The following DNAH1 variants were observed in gnomAD, a reference collection of about 807,000 sequenced individuals.
DNAH1 encodes axonemal beta dynein heavy chain 1.
DNAH1 carries 327 observed loss-of-function variants against 484.3 expected under a neutral mutation model. The observed-to-expected ratio is 0.68, with a 90% confidence interval of 0.62 to 0.74. The LOEUF (loss-of-function observed/expected upper bound fraction) is 0.74. DNAH1 is among the 30% of genes least tolerant of loss of function. The pLI is 0.00. For missense variants in DNAH1, 5,052 were observed against 5,546.8 expected, an observed-to-expected ratio of 0.91 and a Z score of 2.83; for synonymous variants, 2,192 against 2,191.9, an observed-to-expected ratio of 1.00 and a Z score of 0.00.
chr3:52,356,660 T>A lies in DNAH1; in HGVS notation c.3740T>A (p.Leu1247Gln), dbSNP rs773524962. ...WLNCQRSWLY[L>Q]EPIFSSEDIN... ...AACTGTCAGCGGTCCTGGCTCTACCTGGAGCCCATCTTTAGCTCTGAGGAC... is the reference window on the plus strand; with the variant it reads ...AACTGTCAGCGGTCCTGGCTCTACCAGGAGCCCATCTTTAGCTCTGAGGAC... Residue 1247 changes from leucine to glutamine, a missense_variant, in exon 22 of 78, where the codon CTG (leucine) becomes CAG (glutamine). Physicochemically the swap from Leu to Gln is moderately radical, Grantham distance 113. Transcript: ENST00000420323. 9.3e-6 allele frequency: 15 copies of A among 1,613,744 alleles called. No homozygotes were observed. Among genetic ancestry groups the A allele is most frequent in the Non-Finnish European group, 1.2e-5 (14 of 1,179,888 alleles).
chr3:52,352,741 C>G, intron 18 of DNAH1, 34 bp downstream of exon 18: 5 of 1,593,578 alleles, frequency 3.1e-6, no homozygotes, highest in Non-Finnish European at 4.3e-6. Context: ...CCCCCATGCC[C>G]CCAGGCTTGA....
chr3:52,344,377 G>A lies in DNAH1; in HGVS notation c.1287-113G>A, dbSNP rs371986609. The A allele has an allele frequency of 1.5e-5, 20 of 1,333,156 alleles. No individual in the cohort carries two copies. In the South Asian group the frequency reaches 2.8e-4, roughly 18 times the overall value. 82.6% of individuals were successfully genotyped at this position (1,333,156 alleles called of 1,614,324 possible). On this transcript the variant is annotated intron_variant, in intron 8 of 77. Coordinates refer to ENST00000420323, the MANE Select transcript of DNAH1 (RefSeq NM_015512.5). ...TGGGGGTGTGCCCATGAATCCAGAA[G>A]GGAAGCCCTAAATGCGTGTCCCCAG... is the stretch of plus-strand genomic sequence containing the variant.
In DNAH1 at chr3:52,341,700, C is replaced by T. The variant is rs569190930; in HGVS notation, c.1287-2790C>T. Among the ~76,000 whole-genome samples, 16 of 152,228 alleles carry T rather than the reference C, an allele frequency of 1.1e-4. No individual in the cohort carries two copies. The South Asian group carries it at 3.1e-3, about 30-fold the overall frequency. On this transcript the variant is annotated intron_variant, in intron 8 of 77. Coordinates refer to ENST00000420323, the MANE Select transcript of DNAH1 (RefSeq NM_015512.5). ...ACACCTAAACCAACTGCAGTTGGGG[C>T]AAGCTCCACCACGACTGGCTTGGAC... is the stretch of plus-strand genomic sequence containing the variant.
In DNAH1 at chr3:52,326,217, G is replaced by C; in HGVS notation, c.484G>C (p.Ala162Pro). The change falls in exon 4 of 78, where the codon GCC becomes CCC. Residue 162 changes from alanine (A) to proline (P), a missense_variant. By Grantham distance (27) the Ala-to-Pro change is conservative. Coordinates refer to ENST00000420323, the MANE Select transcript of DNAH1 (RefSeq NM_015512.5). ...CATCGGGTCCACCACCCGGCTGCTC[G>C]CCCAGACTGACTTCCCACTGCAGGC... The part of the protein sequence containing the change: ...QCIGSTTRLL[A>P]QTDFPLQAYE... 6.2e-7 allele frequency: 1 copy of C among 1,612,976 alleles called. No individual in the cohort carries two copies. Among genetic ancestry groups the C allele is most frequent in the Non-Finnish European group, 8.5e-7 (1 of 1,179,606 alleles).
chr3:52,312,540 G>A (rs142202529), upstream of DNAH1, among the ~76,000 whole-genome samples: 8 of 149,720 alleles, frequency 5.3e-5, no homozygotes, highest in African/African-American at 1.7e-4. Flanking sequence ...CCACGATCTC[G>A]GCTCACTGGA....
rs1341066994 is a variant in DNAH1, at chr3:52,399,216, A to AGGGCCAGGTCAGGTGAC, written c.12441+16_12441+32dup. On this transcript the variant is annotated intron_variant, in intron 76 of 77. Transcript: ENST00000420323. ...TTGATTTCAAGGTCTGGGCACAGCCAGGGCCAGGTCAGGTGACAGGCTAGG... is the reference window on the plus strand; with the variant it reads ...TTGATTTCAAGGTCTGGGCACAGCCAGGGCCAGGTCAGGTGACGGGCCAGGTCAGGTGACAGGCTAGG... 4 of 1,590,204 alleles carry AGGGCCAGGTCAGGTGAC rather than the reference A, an allele frequency of 2.5e-6. No homozygotes were observed. In the Admixed American group the frequency reaches 5.1e-5, roughly 20 times the overall value.
intron 34 of DNAH1, among the ~76,000 whole-genome samples, chr3:52,365,553 A>G (rs916223799): frequency 1.3e-5 from 2 of 152,136 alleles, no homozygotes; most frequent in African/African-American, 4.8e-5. Context: ...CTGGGGGGAC[A>G]CTGCCCTCAA....
intron 50 of DNAH1, among the ~76,000 whole-genome samples, chr3:52,382,989 G>A (rs980321478): frequency 1.3e-5 from 2 of 152,224 alleles, no homozygotes; most frequent in Non-Finnish European, 2.9e-5. Flanking sequence ...CTCCCTTCAA[G>A]GCAGCCACTG....
intron 63 of DNAH1, 88 bp downstream of exon 63, chr3:52,391,691 G>A (rs1704395209): frequency 6.6e-7 from 1 of 1,505,872 alleles, no homozygotes; most frequent in Non-Finnish European, 9.1e-7. Context: ...CCGGGAGTCA[G>A]TGGGACTTTC....
intron 20 of DNAH1, 46 bp from the exon 21 acceptor site, chr3:52,354,797 G>A: frequency 6.9e-6 from 11 of 1,590,530 alleles, no homozygotes; most frequent in Non-Finnish European, 9.4e-6. Context: ...GACAGCATCA[G>A]GACCAGCCCC....
chr3:52,347,670 T>C (rs1273401724), intron 11 of DNAH1, among the ~76,000 whole-genome samples, 154 bp from the exon 12 acceptor site: 1 of 152,132 alleles, frequency 6.6e-6, no homozygotes, highest in African/African-American at 2.4e-5. Context: ...GGTCTTCCTC[T>C]CTGGTAACTT....
chr3:52,350,633 A>G (rs1057337420), intron 16 of DNAH1, 43 bp downstream of exon 16: 1 of 1,580,596 alleles, frequency 6.3e-7, no homozygotes. Context: ...GGGGTGGAGC[A>G]TGAGGGGAGC....
At position 52,370,019 on chromosome 3, in the gene DNAH1, G is replaced by A. The variant is rs1486645826; in HGVS notation, c.6138G>A (p.Glu2046=). Residue 2046 remains glutamate, a splice_region_variant and synonymous_variant, in exon 38 of 78, where the codon GAG becomes GAA. Transcript: ENST00000420323. ...HFKALFVSFL[E]ESISFVRSSV... is the part of the protein sequence containing the mutation. Reference sequence around the variant, plus strand: ...AGGCCCTCTTTGTCAGCTTCCTGGAGGTGAGTGAGGCCACGGGTATGTCTG... The same window carrying A: ...AGGCCCTCTTTGTCAGCTTCCTGGAAGTGAGTGAGGCCACGGGTATGTCTG... 6.2e-7 allele frequency: 1 copy of A among 1,612,990 alleles called. No individual in the cohort carries two copies. The highest frequency in any genetic ancestry group is 2.2e-5 in the East Asian group (1 of 44,846).
At chr3:52,316,228 C>T (rs1700945709), upstream of DNAH1, 2 of 152,234 alleles carry the variant, frequency 1.3e-5, no homozygotes, top group African/African-American at 4.8e-5. Context: ...CCATGGCAAC[C>T]CGGATAGATG....
At position 52,358,430 on chromosome 3, in the gene DNAH1, G is replaced by A. The variant is rs982535861; in HGVS notation, c.4087-128G>A. 1.9e-6 allele frequency: 2 copies of A among 1,040,052 alleles called. No homozygotes were observed. The highest frequency in any genetic ancestry group is 2.7e-5 in the East Asian group (1 of 36,382). 64.4% of individuals were successfully genotyped at this position (1,040,052 alleles called of 1,614,324 possible). On this transcript the variant is annotated intron_variant, in intron 24 of 77. Transcript: ENST00000420323. The surrounding 1 kb of genome is among the most constrained non-coding windows in gnomAD (Gnocchi z 4.2). ...AGGCCCAGCCAAGATAGACTCTCGG[G>A]GGGACGGGAAGGCAGGGCTTTCTTC...
intron 51 of DNAH1, 121 bp downstream of exon 51, chr3:52,383,715 C>T: frequency 7.1e-7 from 1 of 1,406,754 alleles, no homozygotes; most frequent in Non-Finnish European, 9.5e-7. Flanking sequence ...GGCCCTGGGC[C>T]TGGCCATCAT....
chr3:52,398,956 C>A lies in DNAH1; in HGVS notation c.12196C>A (p.Leu4066Met). 6.2e-7 allele frequency: 1 copy of A among 1,613,828 alleles called. No homozygotes were observed. Among genetic ancestry groups the A allele is most frequent in the Non-Finnish European group, 8.5e-7 (1 of 1,179,760 alleles). Reference sequence around the variant, plus strand: ...TCAGCTGGAGCTGATGGCTGCCAGCCTGTACAACAATACTGTGCCTGAGCT... The same window carrying A: ...TCAGCTGGAGCTGATGGCTGCCAGCATGTACAACAATACTGTGCCTGAGCT... ...SSQLELMAAS[L>M]YNNTVPELWS... The change falls in exon 76 of 78, where the codon CTG (leucine) becomes ATG (methionine). Residue 4066 changes from leucine to methionine, a missense_variant. Leu to Met is a conservative substitution (Grantham distance 15). This residue lies in a region of DNAH1 where 853 missense variants were observed against 899.0 expected (regional missense o/e 0.95). Coordinates refer to ENST00000420323, the MANE Select transcript of DNAH1 (RefSeq NM_015512.5).
chr3:52,360,181 G>T (rs2153224319), intron 27 of DNAH1, 102 bp downstream of exon 27: 1 of 1,555,224 alleles, frequency 6.4e-7, no homozygotes, highest in Admixed American at 1.7e-5. Flanking sequence ...TGTCCTTGAG[G>T]TTCTGGGACA....
At chr3:52,376,941 C>T (rs978001462) in intron 46 of DNAH1, among the ~76,000 whole-genome samples, 3 of 152,086 alleles carry the variant, frequency 2.0e-5, no homozygotes, top group Non-Finnish European at 2.9e-5. Flanking sequence ...CTTCCTGCCA[C>T]GGGCTTCTCT....
Sources: allele counts gnomAD v4.1 joint callset (sites outside exome capture counted in the v4.1 genomes callset), GRCh38; gene constraint gnomAD v4.1.1; regional missense constraint gnomAD v4.1.1; non-coding constraint Gnocchi (gnomAD v3.1); transcripts MANE v1.5; gene names NCBI Gene and HGNC (gene_info 2026-07-23, HGNC 2026-07-21).